FLT1: variants seen among roughly 807,000 people sequenced by gnomAD.
FLT1 encodes the protein fms related receptor tyrosine kinase 1.
A neutral mutation model predicts 156.3 loss-of-function variants in FLT1; 49 were observed. The observed-to-expected ratio is 0.31, with a 90% CI of 0.25 to 0.40. FLT1 has a LOEUF of 0.40. Among genes scored for constraint, FLT1 ranks in the 10% least tolerant of loss-of-function variants. The pLI is 1.00. For synonymous variants in FLT1, 594 were observed against 583.8 expected, an observed-to-expected ratio of 1.02 and a Z score of -0.25; for missense variants, 1,322 against 1,637.2, an observed-to-expected ratio of 0.81 and a Z score of 3.32.
intron 15 of FLT1, among the ~76,000 whole-genome samples, chr13:28,349,425 TACACACACACACACAC>T (rs34182100): frequency 2.9e-4 from 43 of 147,016 alleles, no homozygotes; most frequent in African/African-American, 9.8e-4. Context: ...GGCCTTGCTG[TACACACACACACACAC>T]ACACACACAC....
intron 15 of FLT1, among the ~76,000 whole-genome samples, chr13:28,355,114 C>A (rs1211931681): frequency 6.6e-6 from 1 of 152,152 alleles, no homozygotes; most frequent in Non-Finnish European, 1.5e-5. Flanking sequence ...TTGCAGACAA[C>A]TTCCTAAGGC....
chr13:28,373,865 C>CTCTT (rs1167150715), intron 14 of FLT1, among the ~76,000 whole-genome samples: 3 of 152,110 alleles, frequency 2.0e-5, no homozygotes, highest in African/African-American at 7.2e-5. Flanking sequence ...GTCCCCAAAT[C>CTCTT]TCTTTGTATC....
At chr13:28,327,622 G>T in intron 19 of FLT1, 72 bp from the exon 20 acceptor site, 3 of 1,094,210 alleles carry the variant, frequency 2.7e-6, no homozygotes, top group Non-Finnish European at 4.2e-6. Context: ...CCTTCAGCCT[G>T]CCTGAGAAAC....
rs775271915 is a variant in FLT1 at position 28,412,329 on chromosome 13, C to CTTTCTTTCTTTCT, written c.1437-6436_1437-6435insAGAAAGAAAGAAA. The stretch of plus-strand genomic sequence containing the variant: ...TTTCTCTTTCTTTCTTTCTTTCTTT[C>CTTTCTTTCTTTCT]TTTTCTTTCTTTCTTTCTTTCTCTT... On this transcript the variant is annotated intron_variant, in intron 10 of 29. Transcript: ENST00000282397. 5.6e-5 allele frequency among the ~76,000 whole-genome samples: 5 copies of CTTTCTTTCTTTCT among 89,012 alleles called. 1 individual carries two copies. The highest frequency in any genetic ancestry group is 1.2e-4 in the Admixed American group (1 of 8,664). The allele number at this position is 89,012 out of a possible 152,430, so 58.4% of individuals were successfully genotyped here.
chr13:28,347,217 C>T (rs932849402), intron 15 of FLT1, among the ~76,000 whole-genome samples: 1 of 152,072 alleles, frequency 6.6e-6, no homozygotes, highest in East Asian at 1.9e-4. Flanking sequence ...GCAGAGGAAA[C>T]AGTATGAGTA....
At chr13:28,438,091 T>A in intron 4 of FLT1, 130 bp downstream of exon 4, 1 of 814,630 alleles carries the variant, frequency 1.2e-6, no homozygotes, top group Non-Finnish European at 2.1e-6. Flanking sequence ...AGTAAAAGGA[T>A]GTTACAGGAA....
At chr13:28,408,450 T>C (rs1875939659) in intron 10 of FLT1, among the ~76,000 whole-genome samples, 1 of 152,198 alleles carries the variant, frequency 6.6e-6, no homozygotes, top group Non-Finnish European at 1.5e-5. Flanking sequence ...TTTTTCCCTC[T>C]TTGTAATTGG....
chr13:28,384,983 G>T lies in FLT1; in HGVS notation c.2018C>A (p.Ala673Asp). The T allele has an allele frequency of 6.2e-7, 1 of 1,614,036 alleles. No homozygotes were observed. Among genetic ancestry groups the T allele is most frequent in the Non-Finnish European group, 8.5e-7 (1 of 1,179,898 alleles). ...LLRNLSDHTVAISSSTTLDCH... is the reference protein window; with the variant it reads ...LLRNLSDHTVDISSSTTLDCH... ...GTCTAAAGTGGTGGAACTGCTGATG[G>T]CCACTGTGTGATCACTGAGGTTTCG... The change falls in exon 14 of 30, where the codon GCC (alanine) becomes GAC (aspartate). Residue 673 changes from alanine to aspartate, a missense_variant. Around this residue, in one of 3 missense-constraint regions of FLT1, gnomAD observed 991 missense variants for 1,254.8 expected, o/e 0.79. Transcript: ENST00000282397.
At chr13:28,430,273 C>T in intron 7 of FLT1, 106 bp from the exon 8 acceptor site, 1 of 783,614 alleles carries the variant, frequency 1.3e-6, no homozygotes, top group South Asian at 1.4e-5. Context: ...ATAAACAGAG[C>T]TGAATTATGA....
At chr13:28,485,674 C>A (rs1881113971) in intron 1 of FLT1, among the ~76,000 whole-genome samples, 1 of 152,082 alleles carries the variant, frequency 6.6e-6, no homozygotes, top group African/African-American at 2.4e-5. Flanking sequence ...CTGCTTCCCA[C>A]CCCTCGCATC....
At chr13:28,469,891 C>A (rs983120110) in intron 1 of FLT1, among the ~76,000 whole-genome samples, 1 of 151,968 alleles carries the variant, frequency 6.6e-6, no homozygotes, top group Non-Finnish European at 1.5e-5. Context: ...GTAGCTGGGA[C>A]TACAGGTGCG....
At position 28,365,642 on chromosome 13, in the gene FLT1, G is replaced by A. The variant is rs182182912; in HGVS notation, c.2117-7957C>T. On this transcript the variant is annotated intron_variant, in intron 14 of 29. Coordinates refer to ENST00000282397, the MANE Select transcript of FLT1 (RefSeq NM_002019.4). The stretch of plus-strand genomic sequence containing the variant: ...GCTGGGATTACAGGCGTGAGCCACC[G>A]TGCTCAGCCAGAACTCACTTATAAA... Among the ~76,000 whole-genome samples, 13 of 152,258 alleles carry A rather than the reference G, an allele frequency of 8.5e-5. No individual in the cohort carries two copies. The East Asian group carries it at 1.4e-3, about 16-fold the overall frequency.
At chr13:28,395,765 T>C (rs1875007466) in intron 12 of FLT1, among the ~76,000 whole-genome samples, 1 of 152,204 alleles carries the variant, frequency 6.6e-6, no homozygotes, top group African/African-American at 2.4e-5. Context: ...TTCCTTGGTG[T>C]TAGAAACCTG....
intron 11 of FLT1, among the ~76,000 whole-genome samples, chr13:28,399,966 C>T (rs1875334645): frequency 6.6e-6 from 1 of 152,182 alleles, no homozygotes; most frequent in Non-Finnish European, 1.5e-5. Flanking sequence ...TTACCCTATT[C>T]TACAGGTAGG....
At chr13:28,435,551 A>T (rs1301850039) in intron 4 of FLT1, among the ~76,000 whole-genome samples, 1 of 152,218 alleles carries the variant, frequency 6.6e-6, no homozygotes, top group African/African-American at 2.4e-5. Context: ...GAAATACCAA[A>T]CAGCCACAAA....
intron 15 of FLT1, among the ~76,000 whole-genome samples, chr13:28,354,017 TG>T (rs1276633697): frequency 2.0e-5 from 3 of 152,234 alleles, no homozygotes; most frequent in Non-Finnish European, 4.4e-5. Context: ...CTTGTTCACT[TG>T]GTTTCATTTC....
chr13:28,474,128 T>C (rs965966195), intron 1 of FLT1, among the ~76,000 whole-genome samples: 1 of 151,892 alleles, frequency 6.6e-6, no homozygotes, highest in Admixed American at 6.6e-5. Context: ...TCCAGAATTA[T>C]GAGAAAATAA....
chr13:28,410,342 G>A (rs1262709352), intron 10 of FLT1, among the ~76,000 whole-genome samples: 3 of 152,176 alleles, frequency 2.0e-5, no homozygotes, highest in Admixed American at 2.0e-4. Context: ...TCTTTGAAGT[G>A]GTTCTCTTGT....
chr13:28,302,983 C>T lies in FLT1; in HGVS notation c.*184G>A, dbSNP rs1290946556. 6.6e-6 allele frequency: 4 copies of T among 602,068 alleles called. No homozygotes were observed. The highest frequency in any genetic ancestry group is 8.8e-6 in the Non-Finnish European group (3 of 341,406). 37.3% of individuals were successfully genotyped at this position (602,068 alleles called of 1,614,324 possible). ...GTGTTCTTCACTTGTCACTATTTCT[C>T]TATCTGGAGTTACATTCTTGTTAGT... On this transcript the variant is annotated 3_prime_UTR_variant, in exon 30 of 30. Transcript: ENST00000282397.
Sources: allele counts gnomAD v4.1 joint callset (sites outside exome capture counted in the v4.1 genomes callset), GRCh38; gene constraint gnomAD v4.1.1; regional missense constraint gnomAD v4.1.1; transcripts MANE v1.5; gene names NCBI Gene and HGNC (gene_info 2026-07-23, HGNC 2026-07-21).